The following HELZ variants were observed in gnomAD, a reference collection of about 807,000 sequenced individuals.
HELZ encodes the protein helicase with zinc finger.
A neutral mutation model predicts 218.2 loss-of-function variants in HELZ; 23 were observed. The ratio of observed to expected loss-of-function variants is 0.11; its 90% CI spans 0.08 to 0.15. The LOEUF (loss-of-function observed/expected upper bound fraction) is 0.15, where lower values mean the gene tolerates loss of function less well. HELZ is among the 10% of genes least tolerant of loss of function. The pLI, the probability that HELZ is intolerant of heterozygous loss-of-function variation, is 1.00. For synonymous variants in HELZ, 814 were observed against 829.4 expected (o/e 0.98, Z 0.32); for missense variants, 1,813 against 2,353.7 (o/e 0.77, Z 4.75).
chr17:67,167,721 A>G lies in HELZ; in HGVS notation c.1506T>C (p.Ala502=). 6.2e-7 allele frequency: 1 copy of G among 1,614,148 alleles called. No homozygotes were observed. The change falls in exon 14 of 33, where the codon GCT becomes GCC. Residue 502 remains alanine, a synonymous_variant. Coordinates refer to ENST00000358691, the MANE Select transcript of HELZ (RefSeq NM_014877.4). ...LTGVSGGAKY[A]QNGQLFGRFK... ...AGCGACCAAAAAGTTGTCCATTCTG[A>G]GCATACTTTGCACCTCCAGAAACAC...
chr17:67,167,729 T>C lies in HELZ; in HGVS notation c.1498A>G (p.Lys500Glu). ...FMLTGVSGGA[K>E]YAQNGQLFGR... The stretch of plus-strand genomic sequence containing the variant: ...AAAAGTTGTCCATTCTGAGCATACT[T>C]TGCACCTCCAGAAACACCAGTGAGC... Residue 500 changes from lysine (K) to glutamate (E), a missense_variant, in exon 14 of 33, where the codon AAG becomes GAG. By Grantham distance (56) the Lys-to-Glu change is moderately conservative. This residue lies in a region of HELZ where 714 missense variants were observed against 1,029.2 expected (regional missense o/e 0.69). Coordinates refer to ENST00000358691, the MANE Select transcript of HELZ (RefSeq NM_014877.4). 6.2e-7 allele frequency: 1 copy of C among 1,614,134 alleles called. No homozygotes were observed. The highest frequency in any genetic ancestry group is 8.5e-7 in the Non-Finnish European group (1 of 1,180,018).
Position 67,138,017 on chromosome 17 carries a change from T to C in HELZ, c.2867A>G (p.Tyr956Cys). ...DDGSIGVVTPYADQVFRIRAE... is the reference protein window; with the variant it reads ...DDGSIGVVTPCADQVFRIRAE... The stretch of plus-strand genomic sequence containing the variant: ...ACGTATTCTAAACACTTGATCAGCA[T>C]ATGGAGTCACCACACCAATACTGCC... Residue 956 changes from tyrosine (Y) to cysteine (C), a missense_variant, in exon 22 of 33, where the codon TAT becomes TGT. Tyr to Cys is a radical substitution (Grantham distance 194, BLOSUM62 -2). This residue lies in a region of HELZ where 156 missense variants were observed against 274.4 expected (regional missense o/e 0.57). Coordinates refer to ENST00000358691, the MANE Select transcript of HELZ (RefSeq NM_014877.4). 2 of 1,613,894 alleles carry C rather than the reference T, an allele frequency of 1.2e-6. No individual in the cohort carries two copies. The highest frequency in any genetic ancestry group is 1.7e-6 in the Non-Finnish European group (2 of 1,179,848).
intron 18 of HELZ, among the ~76,000 whole-genome samples, chr17:67,150,817 T>C (rs1287805470): frequency 2.6e-5 from 4 of 152,222 alleles, no homozygotes; most frequent in Admixed American, 6.5e-5. Flanking sequence ...GTATATATTT[T>C]AGATTTTGTG....
At chr17:67,147,454 A>G (rs2038535430) in intron 20 of HELZ, among the ~76,000 whole-genome samples, 1 of 151,904 alleles carries the variant, frequency 6.6e-6, no homozygotes, top group Admixed American at 6.6e-5. Context: ...CCAAAGCAGG[A>G]CTCTAATCTT....
Position 67,073,548 on chromosome 17 carries a change from C to A in HELZ, c.*4704G>T, listed in dbSNP as rs546839343. ...TTTTAGACGCTTTAGACGACCACTG[C>A]GGAACTGGGTTTGGTATTTAACCAC... On this transcript the variant is annotated 3_prime_UTR_variant, in exon 33 of 33. Transcript: ENST00000358691. The A allele has an allele frequency of 2.0e-5, 3 of 152,198 alleles. No individual in the cohort carries two copies. Among genetic ancestry groups the A allele is most frequent in the Admixed American group, 6.5e-5 (1 of 15,282 alleles). The allele number at this position is 152,198 out of a possible 1,614,324, so 9.4% of individuals were successfully genotyped here.
At chr17:67,217,195 G>A (rs2040621760) in intron 4 of HELZ, among the ~76,000 whole-genome samples, 1 of 152,100 alleles carries the variant, frequency 6.6e-6, no homozygotes. Flanking sequence ...CTCCCCAGCT[G>A]TAGCCTTCTA....
chr17:67,212,307 A>C lies in HELZ; in HGVS notation c.247+3592T>G, dbSNP rs886182943. ...TCCAACCTGGGCGACAGGGAGAGAC[A>C]CCATCTCAAAAAAAAAAAAAAAAAA... On this transcript the variant is annotated intron_variant, in intron 5 of 32. Transcript: ENST00000358691. Among the ~76,000 whole-genome samples, 42 of 136,882 alleles carry C rather than the reference A, an allele frequency of 3.1e-4. 1 individual carries two copies. Among genetic ancestry groups the C allele is most frequent in the African/African-American group, 1.1e-3 (40 of 35,418 alleles). The allele number at this position is 136,882 out of a possible 152,430, so 89.8% of individuals were successfully genotyped here. A position where few individuals can be genotyped will look rare whatever the true frequency, so the allele number is the denominator to read the frequency against.
chr17:67,205,324 C>CAAAAA (rs750485034), intron 5 of HELZ, among the ~76,000 whole-genome samples: 7 of 120,342 alleles, frequency 5.8e-5, no homozygotes, highest in African/African-American at 2.2e-4. Flanking sequence ...GAAACTGTCT[C>CAAAAA]AAAAAAAAAA....
At chr17:67,143,781 A>G (rs2038409075) in intron 21 of HELZ, among the ~76,000 whole-genome samples, 1 of 152,210 alleles carries the variant, frequency 6.6e-6, no homozygotes, top group Non-Finnish European at 1.5e-5. Flanking sequence ...TAAGCATGTG[A>G]AAGAAGACAC....
At chr17:67,245,261 G>GCCGCCGGCGCCGCCC (rs1461541133), upstream of HELZ, 4 of 945,472 alleles carry the variant, frequency 4.2e-6, no homozygotes, top group Non-Finnish European at 3.7e-6. Flanking sequence ...CCCGCCTCCC[G>GCCGCCGGCGCCGCCC]CCGCCGGCGC....
chr17:67,232,000 C>T (rs1598471394), intron 3 of HELZ, among the ~76,000 whole-genome samples: 1 of 144,876 alleles, frequency 6.9e-6, no homozygotes, highest in African/African-American at 2.6e-5. Flanking sequence ...TTGCAGTGAG[C>T]CAAGATCACA....
intron 31 of HELZ, among the ~76,000 whole-genome samples, chr17:67,098,155 G>A (rs952639041): frequency 6.6e-6 from 1 of 152,068 alleles, no homozygotes; most frequent in African/African-American, 2.4e-5. Context: ...CTGTGTAATT[G>A]CAATCATTTC....
chr17:67,150,043 G>A, intron 18 of HELZ, 58 bp from the exon 19 acceptor site: 1 of 962,728 alleles, frequency 1.0e-6, no homozygotes, highest in Non-Finnish European at 1.6e-6. Flanking sequence ...AAGGCAGAAG[G>A]ACTATAGTTA....
chr17:67,126,815 T>C (rs982138445), intron 24 of HELZ, among the ~76,000 whole-genome samples: 2 of 142,254 alleles, frequency 1.4e-5, no homozygotes, highest in African/African-American at 2.5e-5. Context: ...AAAAGTCAGA[T>C]TGCACCACTG....
chr17:67,140,477 T>C (rs1188359967), intron 21 of HELZ, among the ~76,000 whole-genome samples: 1 of 152,076 alleles, frequency 6.6e-6, no homozygotes, highest in Non-Finnish European at 1.5e-5. Context: ...AATTGTAGAT[T>C]TGAAATAACA....
intron 7 of HELZ, among the ~76,000 whole-genome samples, chr17:67,199,644 G>C (rs1248135483): frequency 1.3e-5 from 2 of 152,096 alleles, no homozygotes; most frequent in Admixed American, 1.3e-4. Context: ...GGCAACATAA[G>C]ACAAAGAAAA....
rs2143025760 is a variant in HELZ at position 67,195,838 on chromosome 17, CTTTTTTTTTTTTTCTTTT to C, written c.430-386_430-369del. 3.0e-5 allele frequency among the ~76,000 whole-genome samples: 3 copies of C among 101,560 alleles called. No individual in the cohort carries two copies. The East Asian group carries it at 9.8e-4, about 33-fold the overall frequency. 66.6% of individuals were successfully genotyped at this position (101,560 alleles called of 152,430 possible). A position where few individuals can be genotyped will look rare whatever the true frequency, so the allele number is the denominator to read the frequency against. On this transcript the variant is annotated intron_variant, in intron 7 of 32. Coordinates refer to ENST00000358691, the MANE Select transcript of HELZ (RefSeq NM_014877.4). ...TGTCTGATTACAGAGGTTTCTTTTC[CTTTTTTTTTTTTTCTTTT>C]TTTTTTTTTTTTTGGGACAAAGTCT...
At chr17:67,203,135 A>G (rs550697022) in intron 6 of HELZ, among the ~76,000 whole-genome samples, 184 bp downstream of exon 6, 1 of 152,296 alleles carries the variant, frequency 6.6e-6, no homozygotes, top group African/African-American at 2.4e-5. Flanking sequence ...AAAAGAAAAA[A>G]ACAAAAAAAG....
intron 21 of HELZ, among the ~76,000 whole-genome samples, chr17:67,140,247 T>C (rs769758698): frequency 3.9e-5 from 6 of 152,180 alleles, no homozygotes; most frequent in African/African-American, 4.8e-5. Flanking sequence ...ACAGGATGGA[T>C]GCAGGTTGGG....
Sources: gnomAD v4.1 joint callset for allele counts (sites outside exome capture counted in the v4.1 genomes callset) on GRCh38, gnomAD v4.1.1 for gene constraint, gnomAD v4.1.1 regional missense constraint, MANE v1.5 for transcripts, NCBI Gene and HGNC (gene_info 2026-07-23, HGNC 2026-07-21) for gene names.